STRN: variants seen among roughly 807,000 people sequenced by gnomAD.
The protein encoded by STRN is protein phosphatase 2 regulatory subunit B'''alpha.
Under a neutral mutation model 96.3 loss-of-function variants are expected in STRN, and 53 were observed. The ratio of observed to expected loss-of-function variants is 0.55; its 90% confidence interval spans 0.44 to 0.69. The LOEUF (loss-of-function observed/expected upper bound fraction) is 0.69. Ranked by LOEUF, STRN falls within the 30% of genes least tolerant of loss-of-function variation. The pLI is 0.00. For synonymous variants in STRN, 428 were observed against 355.9 expected (o/e 1.20, Z -2.28); for missense variants, 987 against 963.9 (o/e 1.02, Z -0.32).
At chr2:36,891,800 T>C (rs1669406833) in intron 7 of STRN, among the ~76,000 whole-genome samples, 2 of 152,202 alleles carry the variant, frequency 1.3e-5, no homozygotes, top group African/African-American at 4.8e-5. Flanking sequence ...TCCTTGAACT[T>C]ATCTAGGAGA....
intron 6 of STRN, among the ~76,000 whole-genome samples, chr2:36,895,124 G>A (rs1429163374): frequency 1.3e-5 from 2 of 152,134 alleles, no homozygotes; most frequent in East Asian, 1.9e-4. Context: ...TCAGGAGATC[G>A]AGACCATCCT....
chr2:36,874,991 G>T (rs934123866), intron 10 of STRN, among the ~76,000 whole-genome samples: 1 of 152,196 alleles, frequency 6.6e-6, no homozygotes, highest in South Asian at 2.1e-4. Flanking sequence ...ACTGAGTATA[G>T]AGTGTACAAA....
intron 1 of STRN, among the ~76,000 whole-genome samples, chr2:36,947,442 A>G (rs1465222697): frequency 6.6e-6 from 1 of 151,686 alleles, no homozygotes; most frequent in Non-Finnish European, 1.5e-5. Flanking sequence ...AGATAAATTA[A>G]TTCATTTAAC....
At chr2:36,867,090 A>G (rs981079198) in intron 12 of STRN, among the ~76,000 whole-genome samples, 18 of 152,178 alleles carry the variant, frequency 1.2e-4, no homozygotes, top group African/African-American at 3.9e-4. Flanking sequence ...GTTATTACAC[A>G]CACTTGATTG....
chr2:36,884,392 T>C (rs973412239), intron 8 of STRN, among the ~76,000 whole-genome samples: 5 of 152,312 alleles, frequency 3.3e-5, no homozygotes, highest in South Asian at 2.1e-4. Context: ...CAGATACAGA[T>C]TGTGAGCCTA....
intron 7 of STRN, among the ~76,000 whole-genome samples, chr2:36,887,246 G>C (rs562402280): frequency 6.7e-6 from 1 of 148,180 alleles, no homozygotes; most frequent in African/African-American, 2.5e-5. Context: ...CTGACCAACA[G>C]GTGAAACCCC....
chr2:36,936,794 G>C (rs1351303919), intron 1 of STRN, among the ~76,000 whole-genome samples: 1 of 152,164 alleles, frequency 6.6e-6, no homozygotes, highest in Non-Finnish European at 1.5e-5. Flanking sequence ...TTCTGAAACA[G>C]ATTACAGGCT....
intron 1 of STRN, among the ~76,000 whole-genome samples, chr2:36,937,484 C>A (rs765220315): frequency 1.3e-5 from 2 of 151,788 alleles, no homozygotes; most frequent in South Asian, 4.1e-4. Context: ...GCCTGGGCAA[C>A]GCACTGAGAA....
chr2:36,880,815 T>C (rs893420288), intron 9 of STRN, among the ~76,000 whole-genome samples: 3 of 152,192 alleles, frequency 2.0e-5, no homozygotes, highest in South Asian at 2.1e-4. Flanking sequence ...ATTCCTAGGA[T>C]AGACCATATA....
At position 36,842,747 on chromosome 2, in the gene STRN, C is replaced by T. The variant is rs1319249194; in HGVS notation, c.*6709G>A. ...GGTGGGTTTTGAATCATTTGATATA[C>T]AAAACTTACTGAGTTAAAATTTGTG... On this transcript the variant is annotated 3_prime_UTR_variant, in exon 18 of 18. Coordinates refer to ENST00000263918, the MANE Select transcript of STRN (RefSeq NM_003162.4). Among the ~76,000 whole-genome samples the T allele has an allele frequency of 3.9e-5, 6 of 152,118 alleles. No homozygotes were observed. The highest frequency in any genetic ancestry group is 7.4e-5 in the Non-Finnish European group (5 of 68,026).
intron 6 of STRN, among the ~76,000 whole-genome samples, chr2:36,896,224 G>A (rs1398802208): frequency 1.3e-5 from 2 of 152,124 alleles, no homozygotes; most frequent in African/African-American, 4.8e-5. Context: ...TAGGTATTAA[G>A]TAATAAAAGC....
At chr2:36,873,482 C>G (rs768471110) in intron 10 of STRN, among the ~76,000 whole-genome samples, 1 of 151,978 alleles carries the variant, frequency 6.6e-6, no homozygotes, top group African/African-American at 2.4e-5. Context: ...AGAGCCTGAG[C>G]CCAGAAGGCA....
At chr2:36,904,863 T>A (rs1669779635) in intron 4 of STRN, among the ~76,000 whole-genome samples, 1 of 151,986 alleles carries the variant, frequency 6.6e-6, no homozygotes, top group South Asian at 2.1e-4. Flanking sequence ...AATGAATGAA[T>A]GAAATATATG....
chr2:36,929,414 C>T (rs549872643), intron 1 of STRN, among the ~76,000 whole-genome samples: 43 of 150,806 alleles, frequency 2.9e-4, no homozygotes, highest in African/African-American at 1.0e-3. Context: ...GACGGAGTCT[C>T]GCTCTGTCGC....
chr2:36,839,719 T>G lies in STRN; in HGVS notation c.*9737A>C, dbSNP rs1030089088. On this transcript the variant is annotated 3_prime_UTR_variant, in exon 18 of 18. Transcript: ENST00000263918. The stretch of plus-strand genomic sequence containing the variant: ...CTGTGTTGAACTGATCTTAAAGGAA[T>G]CATATTTTTAGTAATTTTAATGACA... Among the ~76,000 whole-genome samples the G allele has an allele frequency of 6.6e-6, 1 of 152,212 alleles. No homozygotes were observed. The highest frequency in any genetic ancestry group is 1.9e-4 in the East Asian group (1 of 5,202).
At position 36,867,868 on chromosome 2, in the gene STRN, CAG is replaced by C; in HGVS notation, c.1500-9_1500-8del. The C allele has an allele frequency of 1.0e-5, 16 of 1,586,058 alleles. No homozygotes were observed. The highest frequency in any genetic ancestry group is 1.3e-5 in the Non-Finnish European group (15 of 1,168,470). ...TACATCAAGAGAAGTGCTCCTAAAT[CAG>C]AGAGAGATGACTTTACCATTCTAAG... On this transcript the variant is annotated splice_region_variant and splice_polypyrimidine_tract_variant and intron_variant, in intron 11 of 17. Transcript: ENST00000263918.
At chr2:36,906,542 G>A (rs1572664646) in intron 3 of STRN, among the ~76,000 whole-genome samples, 1 of 152,138 alleles carries the variant, frequency 6.6e-6, no homozygotes, top group East Asian at 1.9e-4. Context: ...AAAATACTGA[G>A]GAATGATGGT....
chr2:36,944,638 ATAAAT>A (rs1257659199), intron 1 of STRN, among the ~76,000 whole-genome samples: 1 of 152,190 alleles, frequency 6.6e-6, no homozygotes, highest in Non-Finnish European at 1.5e-5. Context: ...ATTGCCAAAA[ATAAAT>A]TATAGAACAA....
chr2:36,877,742 GC>G, intron 10 of STRN, 148 bp downstream of exon 10: 1 of 740,540 alleles, frequency 1.4e-6, no homozygotes, highest in East Asian at 3.0e-5. Flanking sequence ...CTCAATGTTG[GC>G]CAGGCTGGTT....
Sources: allele counts gnomAD v4.1 joint callset (sites outside exome capture counted in the v4.1 genomes callset), GRCh38; gene constraint gnomAD v4.1.1; transcripts MANE v1.5; gene names NCBI Gene and HGNC (gene_info 2026-07-23, HGNC 2026-07-21).